Variants in LANCL3 observed in about 807,000 individuals in gnomAD.
The protein encoded by LANCL3 is LanC like family member 3.
In LANCL3, 19 loss-of-function variants were observed where a neutral mutation model predicts 26.5. The observed-to-expected ratio is 0.72, with a 90% CI of 0.50 to 1.05. The LOEUF (loss-of-function observed/expected upper bound fraction) is 1.05. Among genes scored for constraint, LANCL3 ranks in the 50% least tolerant of loss-of-function variants. The probability of loss-of-function intolerance (pLI) is 0.00; values close to 1 mark genes in which losing one functional copy is unlikely to be tolerated. For synonymous variants in LANCL3, 160 were observed against 166.6 expected, an observed-to-expected ratio of 0.96 and a Z score of 0.30; for missense variants, 318 against 362.7, an observed-to-expected ratio of 0.88 and a Z score of 1.00.
intron 1 of LANCL3, among the ~76,000 whole-genome samples, chrX:37,614,336 A>G (rs1556421495): frequency 9.0e-6 from 1 of 111,661 alleles, no homozygotes; most frequent in African/African-American, 3.3e-5. Context: ...CCTGGGTATT[A>G]GTATTTCTGA....
chrX:37,620,028 C>T (rs1925111348), intron 1 of LANCL3, among the ~76,000 whole-genome samples: 1 of 112,301 alleles, frequency 8.9e-6, no homozygotes, highest in Non-Finnish European at 1.9e-5. Context: ...TACCTAGAAA[C>T]GTCTTTCCCT....
chrX:37,593,226 T>G lies in LANCL3; in HGVS notation c.573+20783T>G, dbSNP rs1167374310. On this transcript the variant is annotated intron_variant, in intron 1 of 4. Coordinates refer to ENST00000378619, the MANE Select transcript of LANCL3 (RefSeq NM_001170331.2). Reference sequence around the variant, plus strand: ...GCCACAGGGAACTTCCAGGGTGGTCTTAAAAGGACAGTCCAGGATCACGGC... The same window carrying G: ...GCCACAGGGAACTTCCAGGGTGGTCGTAAAAGGACAGTCCAGGATCACGGC... Among the ~76,000 whole-genome samples the G allele has an allele frequency of 1.1e-3, 120 of 111,336 alleles. No individual in the cohort carries two copies. In the East Asian group the frequency reaches 0.018, roughly 16 times the overall value.
chrX:37,659,903 T>C lies in LANCL3; in HGVS notation c.895+244T>C, dbSNP rs1926376703. On this transcript the variant is annotated intron_variant, in intron 3 of 4. Coordinates refer to ENST00000378619, the MANE Select transcript of LANCL3 (RefSeq NM_001170331.2). ...ATAAAGTTAAACTAACATTGTCCAA[T>C]AGAAGTATAATATGAGCCACATATG... Among the ~76,000 whole-genome samples, 3 of 111,589 alleles carry C rather than the reference T, an allele frequency of 2.7e-5. No homozygotes were observed. The Admixed American group carries it at 2.9e-4, about 11-fold the overall frequency.
At chrX:37,664,430 A>G (rs1926493503) in intron 3 of LANCL3, among the ~76,000 whole-genome samples, 1 of 112,514 alleles carries the variant, frequency 8.9e-6, no homozygotes, top group South Asian at 3.7e-4. Flanking sequence ...CAATTAATAT[A>G]GAAACACTTA....
At chrX:37,607,569 A>G (rs1924750504) in intron 1 of LANCL3, among the ~76,000 whole-genome samples, 1 of 112,747 alleles carries the variant, frequency 8.9e-6, no homozygotes, top group African/African-American at 3.2e-5. Flanking sequence ...AATATTTTCA[A>G]AACAAATATC....
chrX:37,589,136 C>G (rs12851540), intron 1 of LANCL3, among the ~76,000 whole-genome samples: 3 of 111,406 alleles, frequency 2.7e-5, no homozygotes, highest in African/African-American at 9.8e-5. Flanking sequence ...TTAACATAAT[C>G]TTGCTTTTTA....
intron 1 of LANCL3, among the ~76,000 whole-genome samples, chrX:37,640,074 G>A (rs1925823871): frequency 8.9e-6 from 1 of 111,928 alleles, no homozygotes; most frequent in Admixed American, 9.5e-5. Flanking sequence ...AACAAATTAT[G>A]GACAGTGGCA....
At chrX:37,621,230 T>C (rs1556422230) in intron 1 of LANCL3, among the ~76,000 whole-genome samples, 1 of 112,552 alleles carries the variant, frequency 8.9e-6, no homozygotes, top group Non-Finnish European at 1.9e-5. Context: ...ATTATTCTTG[T>C]CCAGTTATAC....
rs868926359 is a variant in LANCL3 at position 37,667,350 on chromosome X, C to T, written c.964C>T (p.Arg322Trp). The T allele has an allele frequency of 5.9e-6, 7 of 1,190,715 alleles. No homozygotes were observed. The South Asian group carries it at 7.5e-5, about 13-fold the overall frequency. Reference protein sequence around the residue: ...KKPQYLDTCIRCGELTWQKGL... With the variant: ...KKPQYLDTCIWCGELTWQKGL... ...ACCGCAGTACCTGGACACATGTATT[C>T]GGTGTGGGGAACTCACATGGCAGAA... is the stretch of plus-strand genomic sequence containing the variant. The change falls in exon 4 of 5, where the codon CGG (arginine) becomes TGG (tryptophan). Residue 322 changes from arginine to tryptophan, a missense_variant. Coordinates refer to ENST00000378619, the MANE Select transcript of LANCL3 (RefSeq NM_001170331.2).
chrX:37,605,430 G>A (rs1396970245), intron 1 of LANCL3, among the ~76,000 whole-genome samples: 4 of 111,597 alleles, frequency 3.6e-5, no homozygotes, highest in Non-Finnish European at 1.9e-5. Flanking sequence ...AACAATGAAG[G>A]TCAGTGGTGC....
chrX:37,629,664 T>C (rs1429083579), intron 1 of LANCL3, among the ~76,000 whole-genome samples: 3 of 109,743 alleles, frequency 2.7e-5, no homozygotes, highest in Admixed American at 1.9e-4. Context: ...GCTTTCTACA[T>C]ATGGCTAGCC....
intron 1 of LANCL3, among the ~76,000 whole-genome samples, chrX:37,625,587 A>C (rs782283439): frequency 9.0e-6 from 1 of 111,603 alleles, no homozygotes; most frequent in South Asian, 3.8e-4. Flanking sequence ...GATGGATCCT[A>C]GTCCCCAGAG....
At chrX:37,637,298 C>G (rs1453732689) in intron 1 of LANCL3, among the ~76,000 whole-genome samples, 1 of 111,876 alleles carries the variant, frequency 8.9e-6, no homozygotes, top group African/African-American at 3.3e-5. Flanking sequence ...GACCAGAGCT[C>G]TTTTTGCCAC....
chrX:37,597,915 C>T (rs1395156543), intron 1 of LANCL3, among the ~76,000 whole-genome samples: 4 of 109,764 alleles, frequency 3.6e-5, no homozygotes, highest in African/African-American at 9.9e-5. Context: ...TTCCTGATGA[C>T]GAATGATATT....
intron 1 of LANCL3, among the ~76,000 whole-genome samples, chrX:37,631,376 A>C (rs1322267897): frequency 9.0e-6 from 1 of 111,129 alleles, no homozygotes; most frequent in East Asian, 2.8e-4. Flanking sequence ...CAGTCTATCA[A>C]TTTTGTTGAT....
At chrX:37,603,122 G>A (rs938653211) in intron 1 of LANCL3, among the ~76,000 whole-genome samples, 38 of 112,364 alleles carry the variant, frequency 3.4e-4, no homozygotes, top group Non-Finnish European at 5.6e-5. Context: ...ATTTTCGATA[G>A]ATCTTGAATC....
At chrX:37,644,205 G>T (rs996102934) in intron 1 of LANCL3, among the ~76,000 whole-genome samples, 17 of 111,134 alleles carry the variant, frequency 1.5e-4, no homozygotes, top group Admixed American at 3.8e-4. Flanking sequence ...TGCTTTTCTG[G>T]CCAGGAGCAT....
chrX:37,673,012 A>AC (rs1464521719), intron 4 of LANCL3, among the ~76,000 whole-genome samples: 1 of 112,185 alleles, frequency 8.9e-6, no homozygotes, highest in Non-Finnish European at 1.9e-5. Context: ...ATATTTGACA[A>AC]CTTCTTAATT....
In LANCL3 at chrX:37,574,054, CAAAAA is replaced by C. The variant is rs34987799; in HGVS notation, c.573+1628_573+1632del. On this transcript the variant is annotated intron_variant, in intron 1 of 4. Coordinates refer to ENST00000378619, the MANE Select transcript of LANCL3 (RefSeq NM_001170331.2). ...GAGATGGAACAAGCTTCAAGGATAGCAAAAAAAAAAAAAAAAAAAAACCCACCACC... is the reference window on the plus strand; with the variant it reads ...GAGATGGAACAAGCTTCAAGGATAGCAAAAAAAAAAAAAAAACCCACCACC... Among the ~76,000 whole-genome samples the C allele has an allele frequency of 2.5e-3, 82 of 33,416 alleles. 1 individual carries two copies. Among genetic ancestry groups the C allele is most frequent in the African/African-American group, 7.2e-3 (78 of 10,790 alleles). 29.0% of individuals were successfully genotyped at this position (33,416 alleles called of 115,157 possible).
Sources: allele counts gnomAD v4.1 joint callset (sites outside exome capture counted in the v4.1 genomes callset), GRCh38; gene constraint gnomAD v4.1.1; transcripts MANE v1.5; gene names NCBI Gene and HGNC (gene_info 2026-07-23, HGNC 2026-07-21).